Variants in PDE3B observed in about 807,000 individuals in gnomAD.
PDE3B encodes cGMP-inhibited 3',5'-cyclic phosphodiesterase 3B.
A neutral mutation model predicts 116.8 loss-of-function variants in PDE3B; 66 were observed. The ratio of observed to expected loss-of-function variants is 0.56; its 90% CI spans 0.46 to 0.69. PDE3B has a LOEUF of 0.69. Ranked by LOEUF, PDE3B falls within the 30% of genes least tolerant of loss-of-function variation. The pLI is 0.00. For missense variants in PDE3B, 1,384 were observed against 1,368.1 expected, an observed-to-expected ratio of 1.01 and a Z score of -0.18; for synonymous variants, 595 against 533.6, an observed-to-expected ratio of 1.12 and a Z score of -1.59.
Position 14,769,774 on chromosome 11 carries a change from C to T in PDE3B, c.979-2163C>T, listed in dbSNP as rs1023747128. On this transcript the variant is annotated intron_variant, in intron 1 of 15. Coordinates refer to ENST00000282096, the MANE Select transcript of PDE3B (RefSeq NM_000922.4). ...GTATACTGTAGCCTTTGGAGGGCTA[C>T]GAACCATTTTAATTTTCAAGATTTT... Among the ~76,000 whole-genome samples the T allele has an allele frequency of 1.5e-4, 23 of 148,438 alleles. No homozygotes were observed. The South Asian group carries it at 3.1e-3, about 20-fold the overall frequency.
chr11:14,876,761 T>A (rs572410861), downstream of PDE3B, among the ~76,000 whole-genome samples: 1 of 152,142 alleles, frequency 6.6e-6, no homozygotes, highest in Non-Finnish European at 1.5e-5. Context: ...ATAAAGCTGG[T>A]ATCATCTGGA....
At chr11:14,880,875 G>A in the PDE3B span, 4 of 1,048,542 alleles carry the variant, frequency 3.8e-6, no homozygotes. Context: ...TCTCCAAATT[G>A]TCCTCCTATA....
chr11:14,653,235 C>T (rs995145349), intron 1 of PDE3B, among the ~76,000 whole-genome samples: 5 of 152,058 alleles, frequency 3.3e-5, no homozygotes, highest in Non-Finnish European at 7.4e-5. Flanking sequence ...TATGTAGACT[C>T]AGAAACCTCA....
the PDE3B span, among the ~76,000 whole-genome samples, chr11:14,879,976 T>C: frequency 2.6e-5 from 4 of 152,114 alleles, no homozygotes; most frequent in Non-Finnish European, 5.9e-5. Context: ...ATTGAGATAA[T>C]AGATTTGAAA....
rs142120038 is a variant in PDE3B at position 14,764,409 on chromosome 11, C to A, written c.979-7528C>A. Among the ~76,000 whole-genome samples, 186 of 152,192 alleles carry A rather than the reference C, an allele frequency of 1.2e-3. 1 individual carries two copies. The highest frequency in any genetic ancestry group is 4.3e-3 in the African/African-American group (179 of 41,548). On this transcript the variant is annotated intron_variant, in intron 1 of 15. Transcript: ENST00000282096. ...GAAGGGCAAAAGATGGATGTGGAGA[C>A]AAATGCTGAGTAATCAGTAGAATCA...
intron 1 of PDE3B, among the ~76,000 whole-genome samples, chr11:14,654,411 G>T (rs2133752154): frequency 6.6e-6 from 1 of 152,274 alleles, no homozygotes; most frequent in South Asian, 2.1e-4. Context: ...GACAGGTGCT[G>T]AGAGAAAATA....
At chr11:14,684,210 C>A (rs532045676) in intron 1 of PDE3B, among the ~76,000 whole-genome samples, 17 of 152,130 alleles carry the variant, frequency 1.1e-4, no homozygotes, top group Admixed American at 1.1e-3. Context: ...CGTATTTCAA[C>A]GTAGGTTCTT....
At chr11:14,704,703 A>G (rs918119968) in intron 1 of PDE3B, among the ~76,000 whole-genome samples, 1 of 151,768 alleles carries the variant, frequency 6.6e-6, no homozygotes, top group African/African-American at 2.4e-5. Flanking sequence ...ATACGTATGT[A>G]ATAAAATGTA....
At position 14,644,290 on chromosome 11, in the gene PDE3B, G is replaced by C. The variant is rs1853298354; in HGVS notation, c.215G>C (p.Cys72Ser). The C allele has an allele frequency of 1.3e-6, 2 of 1,566,010 alleles. No individual in the cohort carries two copies. The highest frequency in any genetic ancestry group is 1.7e-6 in the Non-Finnish European group (2 of 1,162,542). ...GCCTCTCCCCAGCAGCCGCGGCGCT[G>C]CTCCCCCTTCTGCCGGGCGCGCCTC... is the stretch of plus-strand genomic sequence containing the variant. ...PPASPQQPRRCSPFCRARLSL... is the reference protein window; with the variant it reads ...PPASPQQPRRSSPFCRARLSL... The change falls in exon 1 of 16, where the codon TGC becomes TCC. Residue 72 changes from cysteine to serine, a missense_variant. Cys to Ser is a moderately radical substitution (Grantham distance 112, BLOSUM62 -1). Around this residue, in one of 2 missense-constraint regions of PDE3B, gnomAD observed 956 missense variants for 806.8 expected, o/e 1.18. Coordinates refer to ENST00000282096, the MANE Select transcript of PDE3B (RefSeq NM_000922.4).
At chr11:14,769,743 C>T (rs1377258041) in intron 1 of PDE3B, among the ~76,000 whole-genome samples, 1 of 148,402 alleles carries the variant, frequency 6.7e-6, no homozygotes, top group African/African-American at 2.5e-5. Flanking sequence ...TACAGTATAT[C>T]TGTTTGTATA....
At chr11:14,708,766 G>T (rs1855608326) in intron 1 of PDE3B, among the ~76,000 whole-genome samples, 1 of 151,610 alleles carries the variant, frequency 6.6e-6, no homozygotes, top group African/African-American at 2.4e-5. Flanking sequence ...AAAGTTCAGG[G>T]GTGAATTATA....
Position 14,851,619 on chromosome 11 carries a change from T to G in PDE3B, c.2521-7424T>G, listed in dbSNP as rs142989719. On this transcript the variant is annotated intron_variant, in intron 12 of 15. Coordinates refer to ENST00000282096, the MANE Select transcript of PDE3B (RefSeq NM_000922.4). ...TGATTTCCAGAGGTAACTTTCTGAT[T>G]AATTTAAATCTAGTTACTAGTAGTT... Among the ~76,000 whole-genome samples the G allele has an allele frequency of 4.7e-3, 714 of 152,222 alleles. 4 individuals carry two copies. Among genetic ancestry groups the G allele is most frequent in the African/African-American group, 0.016 (651 of 41,540 alleles).
At chr11:14,703,542 C>G (rs148006888) in intron 1 of PDE3B, among the ~76,000 whole-genome samples, 3 of 151,084 alleles carry the variant, frequency 2.0e-5, no homozygotes, top group Non-Finnish European at 3.0e-5. Flanking sequence ...TAGGTGGCTA[C>G]TAGTTTATTG....
intron 1 of PDE3B, among the ~76,000 whole-genome samples, chr11:14,647,688 G>T (rs1218221677): frequency 6.6e-6 from 1 of 151,890 alleles, no homozygotes; most frequent in Non-Finnish European, 1.5e-5. Flanking sequence ...ATTATTACAT[G>T]TTCATTTCCT....
intron 1 of PDE3B, among the ~76,000 whole-genome samples, chr11:14,684,097 C>G (rs1590059874): frequency 6.6e-6 from 1 of 152,202 alleles, no homozygotes; most frequent in East Asian, 1.9e-4. Flanking sequence ...TGGTACTTAT[C>G]CTGGATAGAT....
chr11:14,823,572 G>T (rs1859587451), intron 7 of PDE3B, among the ~76,000 whole-genome samples: 1 of 152,026 alleles, frequency 6.6e-6, no homozygotes, highest in African/African-American at 2.4e-5. Flanking sequence ...TCCTCACTGG[G>T]TGGGACCTCC....
chr11:14,859,335 A>G lies in PDE3B; in HGVS notation c.2724+89A>G, dbSNP rs1344404035. 1.2e-5 allele frequency: 10 copies of G among 803,086 alleles called. No homozygotes were observed. The East Asian group carries it at 2.7e-4, about 22-fold the overall frequency. The allele number at this position is 803,086 out of a possible 1,614,324, so 49.7% of individuals were successfully genotyped here. On this transcript the variant is annotated intron_variant, in intron 13 of 15. Transcript: ENST00000282096. ...TGTTTTTTAATGTTAAGTTAGAATTATTACTACTTAGGAAGTAACAATAAA... is the reference window on the plus strand; with the variant it reads ...TGTTTTTTAATGTTAAGTTAGAATTGTTACTACTTAGGAAGTAACAATAAA...
At chr11:14,659,448 A>G (rs1397964965) in intron 1 of PDE3B, among the ~76,000 whole-genome samples, 1 of 152,200 alleles carries the variant, frequency 6.6e-6, no homozygotes, top group African/African-American at 2.4e-5. Flanking sequence ...TTCACCAAGG[A>G]AGAAGATGGT....
At chr11:14,705,284 A>C (rs1565099637) in intron 1 of PDE3B, among the ~76,000 whole-genome samples, 1 of 151,856 alleles carries the variant, frequency 6.6e-6, no homozygotes, top group Non-Finnish European at 1.5e-5. Flanking sequence ...ATGGTTAAAC[A>C]AATTGTGCTC....
Sources: allele counts gnomAD v4.1 joint callset (sites outside exome capture counted in the v4.1 genomes callset), GRCh38; gene constraint gnomAD v4.1.1; regional missense constraint gnomAD v4.1.1; transcripts MANE v1.5; gene names NCBI Gene and HGNC (gene_info 2026-07-23, HGNC 2026-07-21).